TSC22D1: variants seen among roughly 807,000 people sequenced by gnomAD.
TSC22D1 encodes the protein TSC22 domain family member 1.
TSC22D1 carries 9 observed loss-of-function variants against 74.2 expected under a neutral mutation model. The observed-to-expected ratio is 0.12, with a 90% CI of 0.07 to 0.21. TSC22D1 has a LOEUF of 0.21. TSC22D1 is among the 10% of genes least tolerant of loss of function. The pLI is 1.00. For missense variants in TSC22D1, 1,427 were observed against 1,304.7 expected (o/e 1.09, Z -1.44); for synonymous variants, 586 against 492.5 (o/e 1.19, Z -2.51).
chr13:44,437,054 A>G, intron 1 of TSC22D1: 1 of 974,936 alleles, frequency 1.0e-6, no homozygotes, highest in Non-Finnish European at 1.2e-6. Flanking sequence ...GGCCGTGCTC[A>G]GAGGGAGTGG....
intron 1 of TSC22D1, among the ~76,000 whole-genome samples, chr13:44,455,393 C>A (rs1347728647): frequency 6.6e-6 from 1 of 152,180 alleles, no homozygotes; most frequent in African/African-American, 2.4e-5. Context: ...CTCACTTTTG[C>A]TATCTTGGTT....
rs763014876 is a variant in TSC22D1, at chr13:44,573,420, A to G, written c.2655T>C (p.Pro885=). 8.8e-5 allele frequency: 142 copies of G among 1,614,148 alleles called. No individual in the cohort carries two copies. The highest frequency in any genetic ancestry group is 2.3e-4 in the Admixed American group (14 of 60,016). ...AACTTAGTGGTATCTGTTGTGCCAA[A>G]GGCAAATTTGTATTAGTTGCTATCA... ...PPLIATNTNL[P]LAQQIPLSST... Residue 885 remains proline, a synonymous_variant, in exon 1 of 3, where the codon CCT becomes CCC. Transcript: ENST00000458659.
In TSC22D1 at chr13:44,455,129, AAATT is replaced by A. The variant is rs565129734; in HGVS notation, c.2913-19038_2913-19035del. Among the ~76,000 whole-genome samples the A allele has an allele frequency of 9.9e-5, 15 of 151,928 alleles. No individual in the cohort carries two copies. In the East Asian group the frequency reaches 2.5e-3, roughly 25 times the overall value. ...AGATAAGGACAAGTACCCAGGAGACAAATTAAAGAACAGAAGCAGGGATATGAAA... is the reference window on the plus strand; with the variant it reads ...AGATAAGGACAAGTACCCAGGAGACAAAAGAACAGAAGCAGGGATATGAAA... On this transcript the variant is annotated intron_variant, in intron 1 of 2. Transcript: ENST00000458659.
At chr13:44,492,758 T>C (rs1878785428) in intron 1 of TSC22D1, among the ~76,000 whole-genome samples, 1 of 152,198 alleles carries the variant, frequency 6.6e-6, no homozygotes, top group Non-Finnish European at 1.5e-5. Context: ...AGCTTTAAGT[T>C]TGGTATTAGA....
chr13:44,432,603 C>T lies in TSC22D1; in HGVS notation c.*2023G>A, dbSNP rs749842886. ...CCACTTTATAACACATGCACGCTATCGAACAATTCTTTTTAGGGATCTTGG... is the reference window on the plus strand; with the variant it reads ...CCACTTTATAACACATGCACGCTATTGAACAATTCTTTTTAGGGATCTTGG... On this transcript the variant is annotated 3_prime_UTR_variant, in exon 3 of 3. Transcript: ENST00000458659. 3 of 152,170 alleles carry T rather than the reference C, an allele frequency of 2.0e-5. No individual in the cohort carries two copies. Among genetic ancestry groups the T allele is most frequent in the East Asian group, 1.9e-4 (1 of 5,196 alleles). 9.4% of individuals were successfully genotyped at this position (152,170 alleles called of 1,614,324 possible). A position where few individuals can be genotyped will look rare whatever the true frequency, so the allele number is the denominator to read the frequency against.
At chr13:44,518,843 A>C (rs940846239) in intron 1 of TSC22D1, among the ~76,000 whole-genome samples, 2 of 152,228 alleles carry the variant, frequency 1.3e-5, no homozygotes, top group Admixed American at 1.3e-4. Context: ...GCTATCACTA[A>C]ATATCCCTTC....
At chr13:44,547,202 T>C (rs942675871) in intron 1 of TSC22D1, among the ~76,000 whole-genome samples, 1 of 152,080 alleles carries the variant, frequency 6.6e-6, no homozygotes, top group African/African-American at 2.4e-5. Context: ...GAAACATAAA[T>C]CTCCGATTTT....
At position 44,573,612 on chromosome 13, in the gene TSC22D1, A is replaced by G; in HGVS notation, c.2463T>C (p.Val821=). Residue 821 remains valine, a synonymous_variant, in exon 1 of 3, where the codon GTT becomes GTC. Coordinates refer to ENST00000458659, the MANE Select transcript of TSC22D1 (RefSeq NM_183422.4). ...TACTACTAGCAGAGGGCAAAGAACT[A>G]ACTGCAGGCAACTGCTGTGAAACAA... The part of the protein sequence containing the change: ...QGIVSQQLPA[V]SSLPSASSIS... The G allele has an allele frequency of 1.2e-6, 2 of 1,614,250 alleles. No individual in the cohort carries two copies. Among genetic ancestry groups the G allele is most frequent in the Non-Finnish European group, 1.7e-6 (2 of 1,180,046 alleles).
rs530066652 is a variant in TSC22D1, at chr13:44,458,198, A to G, written c.2913-22103T>C. Among the ~76,000 whole-genome samples, 3 of 152,272 alleles carry G rather than the reference A, an allele frequency of 2.0e-5. No individual in the cohort carries two copies. The South Asian group carries it at 6.2e-4, about 32-fold the overall frequency. On this transcript the variant is annotated intron_variant, in intron 1 of 2. Coordinates refer to ENST00000458659, the MANE Select transcript of TSC22D1 (RefSeq NM_183422.4). Reference sequence around the variant, plus strand: ...AATAGTATGATCCTTTTCCTTTTTAATTCCAACTAAAGCATCATTTCCAAA... The same window carrying G: ...AATAGTATGATCCTTTTCCTTTTTAGTTCCAACTAAAGCATCATTTCCAAA...
intron 1 of TSC22D1, among the ~76,000 whole-genome samples, chr13:44,488,873 T>C (rs1164880880): frequency 6.6e-6 from 1 of 152,174 alleles, no homozygotes; most frequent in African/African-American, 2.4e-5. Context: ...AATTCATCTG[T>C]AGATTCAGCA....
intron 1 of TSC22D1, among the ~76,000 whole-genome samples, chr13:44,469,628 A>G (rs977044990): frequency 3.3e-5 from 5 of 152,198 alleles, no homozygotes; most frequent in Admixed American, 6.5e-5. Context: ...CGAATCTTGT[A>G]TAATTCACTG....
chr13:44,576,092 G>A lies in TSC22D1; in HGVS notation c.-18C>T, dbSNP rs74068247. On this transcript the variant is annotated 5_prime_UTR_variant, in exon 1 of 3. Coordinates refer to ENST00000458659, the MANE Select transcript of TSC22D1 (RefSeq NM_183422.4). The stretch of plus-strand genomic sequence containing the variant: ...TGGTGCATTGTGTTGGGTACCGGGG[G>A]CGCGGAGGAGACGAGTGCAATTTCC... 1.8e-3 allele frequency: 2,773 copies of A among 1,508,070 alleles called. 32 individuals carry two copies. In the African/African-American group the frequency reaches 0.028, roughly 15 times the overall value. The allele number at this position is 1,508,070 out of a possible 1,614,324, so 93.4% of individuals were successfully genotyped here. A position where few individuals can be genotyped will look rare whatever the true frequency, so the allele number is the denominator to read the frequency against.
At position 44,435,744 on chromosome 13, in the gene TSC22D1, A is replaced by G. The variant is rs1047186775; in HGVS notation, c.2964+300T>C. ...AGGTGTGCTCACGACCAGCCGAAGGAGATAGTTGGCCAGCGCTTCCCTAAT... is the reference window on the plus strand; with the variant it reads ...AGGTGTGCTCACGACCAGCCGAAGGGGATAGTTGGCCAGCGCTTCCCTAAT... On this transcript the variant is annotated intron_variant, in intron 2 of 2. Coordinates refer to ENST00000458659, the MANE Select transcript of TSC22D1 (RefSeq NM_183422.4). 4 of 458,156 alleles carry G rather than the reference A, an allele frequency of 8.7e-6. No individual in the cohort carries two copies. In the Admixed American group the frequency reaches 1.1e-4, roughly 13 times the overall value. The allele number at this position is 458,156 out of a possible 1,614,324, so 28.4% of individuals were successfully genotyped here.
chr13:44,563,793 ACTGT>A (rs1289940094), intron 1 of TSC22D1, among the ~76,000 whole-genome samples: 1 of 152,178 alleles, frequency 6.6e-6, no homozygotes, highest in African/African-American at 2.4e-5. Context: ...AATTTGTAAA[ACTGT>A]CTCGGCGAAT....
In TSC22D1 at chr13:44,442,766, A is replaced by C. The variant is rs140636745; in HGVS notation, c.2913-6671T>G. 5.4e-3 allele frequency among the ~76,000 whole-genome samples: 819 copies of C among 151,976 alleles called. 12 individuals are homozygous for C. The highest frequency in any genetic ancestry group is 0.019 in the African/African-American group (770 of 41,452). ...ACCCCATCTCTACTAAAAATATAAA[A>C]TAGCTGGGCGTTGTGGCACACACCT... On this transcript the variant is annotated intron_variant, in intron 1 of 2. Transcript: ENST00000458659.
intron 1 of TSC22D1, among the ~76,000 whole-genome samples, chr13:44,527,019 G>A (rs146596293): frequency 2.0e-5 from 3 of 152,210 alleles, no homozygotes; most frequent in Non-Finnish European, 4.4e-5. Flanking sequence ...CAGGAACCAT[G>A]CAAGCAAGAA....
At chr13:44,489,305 G>C (rs986494416) in intron 1 of TSC22D1, among the ~76,000 whole-genome samples, 1 of 150,870 alleles carries the variant, frequency 6.6e-6, no homozygotes, top group African/African-American at 2.4e-5. Context: ...AATAGGCAAA[G>C]ATTTTTTAAA....
intron 1 of TSC22D1, among the ~76,000 whole-genome samples, chr13:44,460,658 A>G (rs1876951129): frequency 6.6e-6 from 1 of 152,116 alleles, no homozygotes; most frequent in Non-Finnish European, 1.5e-5. Context: ...CTATGGAGGG[A>G]GGCCCCATCC....
rs758014580 is a variant in TSC22D1, at chr13:44,573,735, A to T, written c.2340T>A (p.Ser780Arg). The change falls in exon 1 of 3, where the codon AGT becomes AGA. Residue 780 changes from serine (S) to arginine (R), a missense_variant. By Grantham distance (110) the Ser-to-Arg change is moderately radical. Coordinates refer to ENST00000458659, the MANE Select transcript of TSC22D1 (RefSeq NM_183422.4). Reference protein sequence around the residue: ...TGIIHQGVQTSAPSLPQQLVI... With the variant: ...TGIIHQGVQTRAPSLPQQLVI... ...CCAATTGTTGAGGAAGGCTTGGAGC[A>T]CTAGTTTGAACTCCCTGATGAATAA... is the stretch of plus-strand genomic sequence containing the variant. 1.9e-6 allele frequency: 3 copies of T among 1,614,230 alleles called. No homozygotes were observed. Among genetic ancestry groups the T allele is most frequent in the Non-Finnish European group, 2.5e-6 (3 of 1,180,032 alleles).
Sources: gnomAD v4.1 joint callset for allele counts (sites outside exome capture counted in the v4.1 genomes callset) on GRCh38, gnomAD v4.1.1 for gene constraint, MANE v1.5 for transcripts, NCBI Gene and HGNC (gene_info 2026-07-23, HGNC 2026-07-21) for gene names.